Variants in EXOC4 observed in about 807,000 individuals in gnomAD.
EXOC4 encodes the protein exocyst complex component 4.
Under a neutral mutation model 107.2 loss-of-function variants are expected in EXOC4, and 71 were observed. That is an observed-to-expected ratio of 0.66 (90% CI 0.55 to 0.81). The LOEUF is 0.81. Among genes scored for constraint, EXOC4 ranks in the 30% least tolerant of loss-of-function variants. The probability of loss-of-function intolerance (pLI) is 0.00; values close to 1 mark genes in which losing one functional copy is unlikely to be tolerated. For synonymous variants in EXOC4, 456 were observed against 441.2 expected (o/e 1.03, Z -0.42); for missense variants, 1,108 against 1,189.6 (o/e 0.93, Z 1.01).
At chr7:133,471,599 A>G (rs935287144) in intron 7 of EXOC4, among the ~76,000 whole-genome samples, 2 of 152,144 alleles carry the variant, frequency 1.3e-5, no homozygotes, top group Admixed American at 1.3e-4. Context: ...TTTCTTTTAA[A>G]TTTTATTTGT....
chr7:133,714,176 C>T (rs1303645002), intron 10 of EXOC4, among the ~76,000 whole-genome samples: 3 of 152,086 alleles, frequency 2.0e-5, no homozygotes, highest in African/African-American at 7.2e-5. Flanking sequence ...GGAAGATAAC[C>T]TGAGGACAGG....
intron 9 of EXOC4, among the ~76,000 whole-genome samples, chr7:133,558,191 C>CTTTTCTTTTCTTTTCTTTTCTTTTT (rs1563107370): frequency 0.01 from 726 of 72,496 alleles, 13 homozygotes; most frequent in African/African-American, 0.044. Flanking sequence ...GGTTCCTTCT[C>CTTTTCTTTTCTTTTCTTTTCTTTTT]TTTTCTTTTC....
intron 3 of EXOC4, among the ~76,000 whole-genome samples, chr7:133,302,087 A>AT (rs1316787023): frequency 6.6e-6 from 1 of 152,052 alleles, no homozygotes; most frequent in Non-Finnish European, 1.5e-5. Context: ...ACTCAGGCAA[A>AT]TTTTTTTGAA....
chr7:133,829,121 T>G (rs1220716431), intron 11 of EXOC4, among the ~76,000 whole-genome samples: 1 of 152,148 alleles, frequency 6.6e-6, no homozygotes, highest in African/African-American at 2.4e-5. Flanking sequence ...ACAGTCACAA[T>G]GTAAGCAAAG....
chr7:133,964,203 A>G (rs1801010305), intron 14 of EXOC4, among the ~76,000 whole-genome samples: 1 of 152,182 alleles, frequency 6.6e-6, no homozygotes, highest in Non-Finnish European at 1.5e-5. Flanking sequence ...CAAAAGAACC[A>G]GTCATAGAAT....
chr7:134,048,251 A>G (rs6970959), intron 17 of EXOC4, among the ~76,000 whole-genome samples: 6,863 of 152,282 alleles, frequency 0.045, 535 homozygotes, highest in African/African-American at 0.16. Context: ...TCAGAATTTT[A>G]CAGCCTCCAG....
intron 9 of EXOC4, among the ~76,000 whole-genome samples, chr7:133,527,055 A>G (rs541131332): frequency 6.6e-6 from 1 of 152,286 alleles, no homozygotes; most frequent in Admixed American, 6.5e-5. Flanking sequence ...CAATAACCAT[A>G]ATACCACCCC....
chr7:134,056,931 A>G (rs1489219563), intron 17 of EXOC4, among the ~76,000 whole-genome samples: 1 of 152,176 alleles, frequency 6.6e-6, no homozygotes, highest in African/African-American at 2.4e-5. Context: ...TTATCTGAAG[A>G]GAAATAAAGC....
intron 4 of EXOC4, among the ~76,000 whole-genome samples, chr7:133,309,786 A>G (rs1413995324): frequency 1.3e-5 from 2 of 152,132 alleles, no homozygotes; most frequent in Non-Finnish European, 2.9e-5. Flanking sequence ...CTGAAAGTGT[A>G]AAAGTTAGCC....
At chr7:133,439,965 G>T (rs1445476400) in intron 7 of EXOC4, among the ~76,000 whole-genome samples, 1 of 152,044 alleles carries the variant, frequency 6.6e-6, no homozygotes, top group East Asian at 1.9e-4. Context: ...TGAGCACATT[G>T]CTTATTGTGA....
At chr7:133,519,428 A>C (rs1799941682) in intron 9 of EXOC4, among the ~76,000 whole-genome samples, 1 of 152,144 alleles carries the variant, frequency 6.6e-6, no homozygotes, top group Non-Finnish European at 1.5e-5. Context: ...ATCTTAAAAA[A>C]AAGGAAGTAT....
At chr7:133,314,103 G>C (rs1281537466) in intron 4 of EXOC4, among the ~76,000 whole-genome samples, 1 of 152,062 alleles carries the variant, frequency 6.6e-6, no homozygotes, top group Non-Finnish European at 1.5e-5. Context: ...ACCCGTTGAA[G>C]GTATTAATTA....
At chr7:133,740,161 G>T (rs1174776798) in intron 10 of EXOC4, among the ~76,000 whole-genome samples, 2 of 152,094 alleles carry the variant, frequency 1.3e-5, no homozygotes, top group Non-Finnish European at 2.9e-5. Context: ...AGTAATACTT[G>T]CTACCCTCAT....
chr7:133,467,135 A>G (rs1372939594), intron 7 of EXOC4, among the ~76,000 whole-genome samples: 4 of 151,290 alleles, frequency 2.6e-5, no homozygotes, highest in Non-Finnish European at 5.9e-5. Flanking sequence ...TATGAAACCC[A>G]TTTTTCATGC....
chr7:133,947,302 C>T lies in EXOC4; in HGVS notation c.2206+9233C>T, dbSNP rs1436115754. ...CTGGGTCTTCCCCTTCCTCCTGCCC[C>T]TTCAGGCTTCTCTTTTATCTCAAGT... On this transcript the variant is annotated intron_variant, in intron 14 of 17. Transcript: ENST00000253861. Among the ~76,000 whole-genome samples the T allele has an allele frequency of 2.6e-5, 4 of 152,188 alleles. 1 individual carries two copies. Among genetic ancestry groups the T allele is most frequent in the Admixed American group, 2.6e-4 (4 of 15,280 alleles).
chr7:133,491,762 C>T (rs1044921257), intron 9 of EXOC4, among the ~76,000 whole-genome samples: 1 of 152,108 alleles, frequency 6.6e-6, no homozygotes, highest in Non-Finnish European at 1.5e-5. Context: ...GAAGAGAAAA[C>T]ACTTAACATT....
intron 10 of EXOC4, among the ~76,000 whole-genome samples, chr7:133,798,773 A>G (rs1253680008): frequency 3.9e-5 from 6 of 152,168 alleles, no homozygotes; most frequent in Non-Finnish European, 8.8e-5. Flanking sequence ...ACACTGTGTT[A>G]GGAACCATGA....
intron 9 of EXOC4, among the ~76,000 whole-genome samples, chr7:133,606,913 A>G (rs1355437608): frequency 6.6e-6 from 1 of 152,072 alleles, no homozygotes; most frequent in Non-Finnish European, 1.5e-5. Context: ...CTTCTCCCTA[A>G]AAATTCCCAT....
intron 10 of EXOC4, among the ~76,000 whole-genome samples, chr7:133,756,958 G>T (rs1435351569): frequency 6.6e-6 from 1 of 152,116 alleles, no homozygotes; most frequent in East Asian, 1.9e-4. Context: ...AATGAGAAGG[G>T]GAAAATGGGC....
Sources: gnomAD v4.1 joint callset for allele counts (sites outside exome capture counted in the v4.1 genomes callset) on GRCh38, gnomAD v4.1.1 for gene constraint, MANE v1.5 for transcripts, NCBI Gene and HGNC (gene_info 2026-07-23, HGNC 2026-07-21) for gene names.